The following CABLES1 variants were observed in gnomAD, a reference collection of about 807,000 sequenced individuals.
CABLES1 encodes CDK5 and ABL1 enzyme substrate 1.
Under a neutral mutation model 57.8 loss-of-function variants are expected in CABLES1, and 36 were observed. The observed-to-expected ratio is 0.62, with a 90% CI of 0.48 to 0.82. The LOEUF is 0.82. CABLES1 is among the 40% of genes least tolerant of loss of function. CABLES1 has a pLI of 0.00. For missense variants in CABLES1, 767 were observed against 836.6 expected (o/e 0.92, Z 1.03); for synonymous variants, 374 against 363.0 (o/e 1.03, Z -0.35).
intron 4 of CABLES1, among the ~76,000 whole-genome samples, chr18:23,224,654 C>T (rs535736784): frequency 6.9e-4 from 102 of 148,476 alleles, no homozygotes; most frequent in African/African-American, 2.4e-3. Flanking sequence ...CTGCAAGCTC[C>T]GCCTCCTGGG....
chr18:23,168,251 G>A (rs182940946), intron 1 of CABLES1, among the ~76,000 whole-genome samples: 67 of 152,286 alleles, frequency 4.4e-4, no homozygotes, highest in Admixed American at 4.1e-3. Flanking sequence ...CGAAAATGAC[G>A]TATACACCCT....
chr18:23,157,657 A>T (rs1466559320), intron 1 of CABLES1, among the ~76,000 whole-genome samples: 1 of 117,612 alleles, frequency 8.5e-6, no homozygotes, highest in Non-Finnish European at 1.8e-5. Flanking sequence ...CCATTTAAAA[A>T]GAAATATTAT....
intron 1 of CABLES1, among the ~76,000 whole-genome samples, chr18:23,163,379 G>T (rs1227212823): frequency 6.6e-6 from 1 of 152,160 alleles, no homozygotes; most frequent in South Asian, 2.1e-4. Context: ...AGCCAAAGGT[G>T]AGGAGGAAAT....
At chr18:23,234,497 C>G (rs1291672756) in intron 4 of CABLES1, 111 bp from the exon 5 acceptor site, 2 of 805,182 alleles carry the variant, frequency 2.5e-6, no homozygotes, top group Non-Finnish European at 4.2e-6. Flanking sequence ...CACCAGGGCT[C>G]ACCTGGTCAT....
chr18:23,173,150 C>T (rs1207106813), intron 1 of CABLES1, among the ~76,000 whole-genome samples: 2 of 152,150 alleles, frequency 1.3e-5, no homozygotes, highest in Non-Finnish European at 1.5e-5. Flanking sequence ...CTGAGTGACA[C>T]GCGGCTCTGA....
At chr18:23,243,374 C>A (rs1306954826) in intron 7 of CABLES1, among the ~76,000 whole-genome samples, 1 of 151,880 alleles carries the variant, frequency 6.6e-6, no homozygotes, top group Admixed American at 6.6e-5. Context: ...TGAGGAGCAT[C>A]CTGCCAGCTT....
chr18:23,218,762 A>G (rs549147714), intron 4 of CABLES1, among the ~76,000 whole-genome samples: 2 of 152,374 alleles, frequency 1.3e-5, no homozygotes, highest in South Asian at 4.1e-4. Context: ...AGTTGATCAA[A>G]GCAGACAGAC....
chr18:23,253,220 C>CA (rs2048082508), intron 8 of CABLES1, among the ~76,000 whole-genome samples, 154 bp downstream of exon 8: 1 of 152,204 alleles, frequency 6.6e-6, no homozygotes, highest in Admixed American at 6.5e-5. Flanking sequence ...TGGTGGCTCA[C>CA]ACCTGTAATC....
intron 3 of CABLES1, among the ~76,000 whole-genome samples, chr18:23,201,803 T>A (rs896912010): frequency 1.3e-5 from 2 of 152,102 alleles, no homozygotes; most frequent in African/African-American, 2.4e-5. Flanking sequence ...AAAGATGAGA[T>A]AATGTGCCAT....
chr18:23,144,498 A>AC (rs2046879110), intron 1 of CABLES1, among the ~76,000 whole-genome samples: 1 of 152,142 alleles, frequency 6.6e-6, no homozygotes, highest in South Asian at 2.1e-4. Context: ...TGTCTCTCCC[A>AC]CCCTCAGGAG....
At chr18:23,184,409 A>G (rs371544192) in intron 1 of CABLES1, among the ~76,000 whole-genome samples, 11 of 152,010 alleles carry the variant, frequency 7.2e-5, no homozygotes, top group African/African-American at 2.7e-4. Flanking sequence ...AACAATAGAA[A>G]TGTATTTTCT....
chr18:23,214,129 CT>C, intron 4 of CABLES1, 75 bp downstream of exon 4: 1 of 1,035,758 alleles, frequency 9.7e-7, no homozygotes. Context: ...TGTGGCCATC[CT>C]TTCCATTTTC....
At chr18:23,209,425 C>T (rs1349753375) in intron 3 of CABLES1, among the ~76,000 whole-genome samples, 1 of 152,186 alleles carries the variant, frequency 6.6e-6, no homozygotes, top group Non-Finnish European at 1.5e-5. Flanking sequence ...TTGGGGAGCA[C>T]AGTTGAACCC....
intron 1 of CABLES1, among the ~76,000 whole-genome samples, chr18:23,167,104 A>G (rs1216822254): frequency 6.6e-6 from 1 of 152,240 alleles, no homozygotes; most frequent in Non-Finnish European, 1.5e-5. Context: ...GATAAAACTA[A>G]TCTCAAGATC....
At chr18:23,233,983 G>A (rs1258538560) in intron 4 of CABLES1, among the ~76,000 whole-genome samples, 1 of 152,140 alleles carries the variant, frequency 6.6e-6, no homozygotes, top group Admixed American at 6.5e-5. Context: ...TTGGGAGGCT[G>A]AGATGGGTGG....
chr18:23,256,016 C>T (rs1185327626), intron 9 of CABLES1, among the ~76,000 whole-genome samples: 2 of 152,192 alleles, frequency 1.3e-5, no homozygotes, highest in Non-Finnish European at 2.9e-5. Context: ...CCTTGGCCTT[C>T]CTTACATGGG....
chr18:23,228,766 GT>G (rs2047546346), intron 4 of CABLES1, among the ~76,000 whole-genome samples: 1 of 134,958 alleles, frequency 7.4e-6, no homozygotes, highest in Non-Finnish European at 1.5e-5. Context: ...AAAAAAAAAA[GT>G]ATATATCTTT....
At chr18:23,191,136 A>C (rs1182405981) in intron 2 of CABLES1, among the ~76,000 whole-genome samples, 1 of 151,852 alleles carries the variant, frequency 6.6e-6, no homozygotes, top group Non-Finnish European at 1.5e-5. Flanking sequence ...CTGTAGTTCC[A>C]GCTACTCAGG....
chr18:23,228,267 G>A (rs1337113161), intron 4 of CABLES1, among the ~76,000 whole-genome samples: 1 of 152,212 alleles, frequency 6.6e-6, no homozygotes. Flanking sequence ...CTGCCAGGGA[G>A]CCACAGAAGA....
Sources: gnomAD v4.1 joint callset for allele counts (sites outside exome capture counted in the v4.1 genomes callset) on GRCh38, gnomAD v4.1.1 for gene constraint, MANE v1.5 for transcripts, NCBI Gene and HGNC (gene_info 2026-07-23, HGNC 2026-07-21) for gene names.